The following PCDHGA8 variants were observed in gnomAD, a reference collection of about 807,000 sequenced individuals.
PCDHGA8 encodes protocadherin gamma subfamily A, 8, also known as protocadherin gamma-A8.
PCDHGA8 carries 45 observed loss-of-function variants against 59.2 expected under a neutral mutation model. That is an observed-to-expected ratio of 0.76 (90% CI 0.60 to 0.98). The LOEUF is 0.98. PCDHGA8 is among the 50% of genes least tolerant of loss of function. The pLI is 0.00. For missense variants in PCDHGA8, 1,257 were observed against 1,196.2 expected, an observed-to-expected ratio of 1.05 and a Z score of -0.75; for synonymous variants, 531 against 519.0, an observed-to-expected ratio of 1.02 and a Z score of -0.32.
rs2096153349 is a variant in PCDHGA8 at position 141,417,731 on chromosome 5, C to G, written c.2424+22494C>G. 2.2e-6 allele frequency: 3 copies of G among 1,378,810 alleles called. No homozygotes were observed. In the East Asian group the frequency reaches 7.6e-5, roughly 35 times the overall value. 85.4% of individuals were successfully genotyped at this position (1,378,810 alleles called of 1,614,324 possible). A position where few individuals can be genotyped will look rare whatever the true frequency, so the allele number is the denominator to read the frequency against. On this transcript the variant is annotated intron_variant, in intron 1 of 3. Coordinates refer to ENST00000398604, the MANE Select transcript of PCDHGA8 (RefSeq NM_032088.2). ...AGGCTCCCGGCTGCGCAGACCTTGC[C>G]CAGCACACCAGATTGCCAGCTCCGA...
At position 141,454,796 on chromosome 5, in the gene PCDHGA8, A is replaced by ATT. The variant is rs61612330; in HGVS notation, c.2425-39983_2425-39982dup. On this transcript the variant is annotated intron_variant, in intron 1 of 3. Coordinates refer to ENST00000398604, the MANE Select transcript of PCDHGA8 (RefSeq NM_032088.2). Reference sequence around the variant, plus strand: ...AAGGAAATAATCCTCCATGGTTCTAATTTTTTTTTTTTTTTTTTTTTTTTT... The same window carrying ATT: ...AAGGAAATAATCCTCCATGGTTCTAATTTTTTTTTTTTTTTTTTTTTTTTTTT... 6.7e-3 allele frequency among the ~76,000 whole-genome samples: 521 copies of ATT among 77,456 alleles called. 71 individuals are homozygous for ATT. The highest frequency in any genetic ancestry group is 0.017 in the Middle Eastern group (2 of 120). The allele number at this position is 77,456 out of a possible 152,430, so 50.8% of individuals were successfully genotyped here.
chr5:141,423,317 C>T, intron 1 of PCDHGA8: 4 of 1,614,118 alleles, frequency 2.5e-6, no homozygotes, highest in Non-Finnish European at 3.4e-6. Flanking sequence ...TTGGTGGTGG[C>T]GGTGGCCGCA....
At chr5:141,404,492 C>T (rs770295078) in intron 1 of PCDHGA8, 1 of 1,613,668 alleles carries the variant, frequency 6.2e-7, no homozygotes, top group African/African-American at 1.3e-5. Context: ...CACTGGTGTG[C>T]TGTATGCTCT....
chr5:141,445,075 A>G (rs1251499929), intron 1 of PCDHGA8, among the ~76,000 whole-genome samples: 1 of 152,170 alleles, frequency 6.6e-6, no homozygotes, highest in East Asian at 1.9e-4. Context: ...TTCTCATTAA[A>G]TTGTCCCTAC....
chr5:141,395,427 T>A, intron 1 of PCDHGA8, 190 bp downstream of exon 1: 2 of 722,004 alleles, frequency 2.8e-6, no homozygotes, highest in Non-Finnish European at 4.3e-6. Flanking sequence ...CATTTGCTTT[T>A]AAACGACTTG....
Position 141,431,461 on chromosome 5 carries a change from T to C in PCDHGA8, c.2424+36224T>C, listed in dbSNP as rs1477501293. 1 of 1,613,800 alleles carries C rather than the reference T, an allele frequency of 6.2e-7. No individual in the cohort carries two copies. Among genetic ancestry groups the C allele is most frequent in the Admixed American group, 1.7e-5 (1 of 60,032 alleles). ...CGCGCATCCGCGTGATGGTTCTGGA[T>C]GCGAACGACAACGCACCAGCGTTTG... On this transcript the variant is annotated intron_variant, in intron 1 of 3. Transcript: ENST00000398604. The surrounding 1 kb of genome is among the most constrained non-coding windows in gnomAD (Gnocchi z 4.8).
chr5:141,503,136 A>G (rs1352550702), intron 2 of PCDHGA8, among the ~76,000 whole-genome samples: 5 of 151,846 alleles, frequency 3.3e-5, no homozygotes, highest in Admixed American at 2.0e-4. Context: ...GTAGCCCCTG[A>G]CACAGCCCAT....
chr5:141,454,076 T>A (rs190918056), intron 1 of PCDHGA8, among the ~76,000 whole-genome samples: 2 of 152,352 alleles, frequency 1.3e-5, no homozygotes, highest in East Asian at 3.8e-4. Flanking sequence ...TGATAATGTT[T>A]TCAGTGAAAT....
intron 1 of PCDHGA8, chr5:141,419,596 G>T: frequency 6.2e-7 from 1 of 1,611,682 alleles, no homozygotes; most frequent in Non-Finnish European, 8.5e-7. Flanking sequence ...ACACAGTGCC[G>T]CGGGCCGCGC....
chr5:141,398,009 C>G (rs1589315775), intron 1 of PCDHGA8: 1 of 1,400,564 alleles, frequency 7.1e-7, no homozygotes, highest in Non-Finnish European at 9.5e-7. Context: ...GAAAAAGAAT[C>G]GTTTCCTAAA....
intron 1 of PCDHGA8, chr5:141,395,547 TGTGTGTGTGTGTGTGTGTGTGTGTGTG>T: frequency 5.8e-6 from 1 of 173,894 alleles, no homozygotes; most frequent in Non-Finnish European, 1.2e-5. Flanking sequence ...ATTGTTTGTG[TGTGTGTGTGTGTGTGTGTGTGTGTGTG>T]TGTGTGTGTG....
rs369794418 is a variant in PCDHGA8, at chr5:141,497,143, G to A, written c.2483+2278G>A. Among the ~76,000 whole-genome samples the A allele has an allele frequency of 7.3e-5, 11 of 150,108 alleles. No individual in the cohort carries two copies. In the East Asian group the frequency reaches 1.6e-3, roughly 21 times the overall value. On this transcript the variant is annotated intron_variant, in intron 2 of 3. Coordinates refer to ENST00000398604, the MANE Select transcript of PCDHGA8 (RefSeq NM_032088.2). ...AGAGGTTGCAGTGAGCTGAGATCAC[G>A]AAAAAAAAATAATCTAGCCACAAAT...
chr5:141,427,052 C>T (rs79280874), intron 1 of PCDHGA8: 9,800 of 457,514 alleles, frequency 0.021, 162 homozygotes, highest in Middle Eastern at 0.051. Flanking sequence ...TGCCCCCAGG[C>T]ACCTCTGTAC....
chr5:141,465,923 C>A (rs908350232), intron 1 of PCDHGA8, among the ~76,000 whole-genome samples: 2 of 152,062 alleles, frequency 1.3e-5, no homozygotes, highest in African/African-American at 4.8e-5. Flanking sequence ...GATTTCGAGT[C>A]CATCCTGGCT....
At chr5:141,408,156 T>G (rs1270401832) in intron 1 of PCDHGA8, 2 of 1,512,436 alleles carry the variant, frequency 1.3e-6, no homozygotes, top group East Asian at 2.5e-5. Flanking sequence ...TAGAGTGCAC[T>G]TTCTCCAACT....
intron 1 of PCDHGA8, among the ~76,000 whole-genome samples, chr5:141,472,980 CAAAAA>C (rs60579131): frequency 1.2e-5 from 1 of 86,106 alleles, no homozygotes; most frequent in African/African-American, 3.9e-5. Flanking sequence ...GAGTGAAACT[CAAAAA>C]AAAAAAAAAA....
intron 1 of PCDHGA8, chr5:141,419,831 G>C: frequency 1.9e-6 from 3 of 1,614,048 alleles, no homozygotes; most frequent in Non-Finnish European, 2.5e-6. Context: ...TTCAGCCACT[G>C]CCACGCTGCA....
At position 141,476,242 on chromosome 5, in the gene PCDHGA8, G is replaced by A. The variant is rs369923405; in HGVS notation, c.2425-18565G>A. The A allele has an allele frequency of 6.2e-6, 10 of 1,614,100 alleles. No individual in the cohort carries two copies. The highest frequency in any genetic ancestry group is 8.5e-6 in the Non-Finnish European group (10 of 1,180,026). The stretch of plus-strand genomic sequence containing the variant: ...ACTATGAGATCCCGGAGGAAAGAGA[G>A]AAGGGTTTCGCTGTGGGCAACGTGG... On this transcript the variant is annotated intron_variant, in intron 1 of 3. Transcript: ENST00000398604. This position sits in a 1 kb window ranked among gnomAD's most constrained non-coding sequence, Gnocchi z 7.6.
intron 1 of PCDHGA8, chr5:141,415,749 T>C: frequency 8.2e-7 from 1 of 1,214,000 alleles, no homozygotes; most frequent in Non-Finnish European, 1.1e-6. Flanking sequence ...GGTTTTTTTT[T>C]TTTTTTTTTT....
Sources: allele counts gnomAD v4.1 joint callset (sites outside exome capture counted in the v4.1 genomes callset), GRCh38; gene constraint gnomAD v4.1.1; non-coding constraint Gnocchi (gnomAD v3.1); transcripts MANE v1.5; gene names NCBI Gene and HGNC (gene_info 2026-07-23, HGNC 2026-07-21).